The following PFKFB4 variants were observed in gnomAD, a reference collection of about 807,000 sequenced individuals.
The protein encoded by PFKFB4 is 6-phosphofructo-2-kinase/fructose-2,6-bisphosphatase 4.
A neutral mutation model predicts 62.8 loss-of-function variants in PFKFB4; 42 were observed. The observed-to-expected ratio is 0.67, with a 90% CI of 0.52 to 0.86. PFKFB4 has a LOEUF of 0.86. PFKFB4 is among the 40% of genes least tolerant of loss of function. The pLI, the probability that PFKFB4 is intolerant of heterozygous loss-of-function variation, is 0.00. For missense variants in PFKFB4, 475 were observed against 627.2 expected (o/e 0.76, Z 2.59); for synonymous variants, 204 against 240.7 (o/e 0.85, Z 1.41).
intron 13 of PFKFB4, among the ~76,000 whole-genome samples, chr3:48,520,438 T>A (rs1020035717): frequency 2.6e-5 from 4 of 152,162 alleles, no homozygotes; most frequent in African/African-American, 7.2e-5. Context: ...GGCTGTCTTA[T>A]GTGCCCCAGA....
At chr3:48,530,864 G>T (rs1366985003) in intron 9 of PFKFB4, among the ~76,000 whole-genome samples, 1 of 151,928 alleles carries the variant, frequency 6.6e-6, no homozygotes, top group African/African-American at 2.4e-5. Flanking sequence ...GCGCCACCAC[G>T]CTCAGCTACT....
intron 3 of PFKFB4, chr3:48,548,605 T>C: frequency 6.6e-6 from 1 of 152,246 alleles, no homozygotes; most frequent in Non-Finnish European, 1.5e-5. Context: ...GGCGCTGATG[T>C]AAACTTGCTA....
At chr3:48,557,725 C>T (rs1177041386), upstream of PFKFB4, among the ~76,000 whole-genome samples, 1 of 151,918 alleles carries the variant, frequency 6.6e-6, no homozygotes. Context: ...TTAGTAGAGG[C>T]GGGATTTCAC....
chr3:48,535,745 C>T, intron 8 of PFKFB4, 87 bp from the exon 9 acceptor site: 1 of 1,505,402 alleles, frequency 6.6e-7, no homozygotes, highest in South Asian at 1.2e-5. Flanking sequence ...TGAGATCACC[C>T]TCGCCTTGAA....
Position 48,545,641 on chromosome 3 carries a change from T to G in PFKFB4, c.312-1995A>C, listed in dbSNP as rs2042939376. 3.3e-5 allele frequency among the ~76,000 whole-genome samples: 5 copies of G among 152,104 alleles called. No individual in the cohort carries two copies. The South Asian group carries it at 8.3e-4, about 25-fold the overall frequency. ...ACATTTCTTTTCTTTCTTTTGTTTTTTTTTTTTAAGAGACAGGGTCTCACT... is the reference window on the plus strand; with the variant it reads ...ACATTTCTTTTCTTTCTTTTGTTTTGTTTTTTTAAGAGACAGGGTCTCACT... On this transcript the variant is annotated intron_variant, in intron 3 of 13. Transcript: ENST00000232375.
upstream of PFKFB4, chr3:48,562,976 GCTGAGGGGCTCT>G: frequency 6.2e-7 from 1 of 1,607,910 alleles, no homozygotes; most frequent in Non-Finnish European, 8.5e-7. The surrounding 1 kb of genome is among the most constrained non-coding windows in gnomAD (Gnocchi z 4.3). Context: ...TGTGGGAGCA[GCTGAGGGGCTCT>G]CTGAGGCCGC....
rs750123291 is a variant in PFKFB4 at position 48,523,696 on chromosome 3, C to G, written c.1222+5G>C. 1.2e-6 allele frequency: 2 copies of G among 1,614,016 alleles called. No homozygotes were observed. Among genetic ancestry groups the G allele is most frequent in the East Asian group, 2.2e-5 (1 of 44,888 alleles). ...TTCCCACCTCCCCCGGGGCACAGCC[C>G]ACACCTGCTGCCTTGTCGAGGAAGT... On this transcript the variant is annotated splice_donor_5th_base_variant and intron_variant, in intron 11 of 13. Transcript: ENST00000232375.
intron 1 of PFKFB4, among the ~76,000 whole-genome samples, chr3:48,551,519 CTTTTTTTTTTTTTTTTTTTT>C (rs71074260): frequency 1.0e-4 from 3 of 29,080 alleles, no homozygotes; most frequent in Admixed American, 1.2e-3. Context: ...CTCCAGCCTT[CTTTTTTTTTTTTTTTTTTTT>C]TTTTTTTTTT....
chr3:48,523,276 C>T (rs112182075), intron 12 of PFKFB4, among the ~76,000 whole-genome samples: 3,352 of 152,078 alleles, frequency 0.022, 123 homozygotes, highest in African/African-American at 0.076. Context: ...CCTAGCTACT[C>T]GGGAGGCAGA....
Position 48,556,303 on chromosome 3 carries a change from A to G in PFKFB4, c.97+378T>C. The G allele has an allele frequency of 4.0e-6, 2 of 506,158 alleles. No individual in the cohort carries two copies. The highest frequency in any genetic ancestry group is 7.7e-6 in the Non-Finnish European group (2 of 259,418). The allele number at this position is 506,158 out of a possible 1,614,324, so 31.4% of individuals were successfully genotyped here. A position where few individuals can be genotyped will look rare whatever the true frequency, so the allele number is the denominator to read the frequency against. ...CAGTTCCAGTCCAACAACCCGGCCC[A>G]CACTCCTTGGCCAGGAGAGAGGGAA... On this transcript the variant is annotated intron_variant, in intron 1 of 13. Coordinates refer to ENST00000232375, the MANE Select transcript of PFKFB4 (RefSeq NM_004567.4). This position sits in a 1 kb window ranked among gnomAD's most constrained non-coding sequence, Gnocchi z 5.7.
Position 48,519,683 on chromosome 3 carries a change from G to A in PFKFB4, c.*64C>T. 1 of 1,184,336 alleles carries A rather than the reference G, an allele frequency of 8.4e-7. No individual in the cohort carries two copies. Among genetic ancestry groups the A allele is most frequent in the East Asian group, 2.3e-5 (1 of 42,566 alleles). 73.4% of individuals were successfully genotyped at this position (1,184,336 alleles called of 1,614,324 possible). On this transcript the variant is annotated 3_prime_UTR_variant, in exon 14 of 14. Transcript: ENST00000232375. ...ATGGTGACTATCACACACACTGGAGGGCCTGGAATGACCCCCTCTGCAGAG... is the reference window on the plus strand; with the variant it reads ...ATGGTGACTATCACACACACTGGAGAGCCTGGAATGACCCCCTCTGCAGAG...
Position 48,534,324 on chromosome 3 carries a change from T to C in PFKFB4, c.987+1188A>G, listed in dbSNP as rs142513618. ...GTGGCAGAAAATACCTTTGAAGAAATGATGGCCAACAATTCTTCACATTTT... is the reference window on the plus strand; with the variant it reads ...GTGGCAGAAAATACCTTTGAAGAAACGATGGCCAACAATTCTTCACATTTT... On this transcript the variant is annotated intron_variant, in intron 9 of 13. Transcript: ENST00000232375. 4.1e-3 allele frequency among the ~76,000 whole-genome samples: 631 copies of C among 152,118 alleles called. 2 individuals are homozygous for C. Among genetic ancestry groups the C allele is most frequent in the Non-Finnish European group, 7.2e-3 (490 of 67,976 alleles).
intron 4 of PFKFB4, among the ~76,000 whole-genome samples, chr3:48,541,472 C>T (rs1377223716): frequency 6.6e-6 from 1 of 151,888 alleles, no homozygotes; most frequent in African/African-American, 2.4e-5. Context: ...CACAGAGTCT[C>T]GCTATGTAAG....
Position 48,535,526 on chromosome 3 carries a change from T to A in PFKFB4, c.973A>T (p.Asn325Tyr). 6.2e-7 allele frequency: 1 copy of A among 1,614,020 alleles called. No homozygotes were observed. The highest frequency in any genetic ancestry group is 8.5e-7 in the Non-Finnish European group (1 of 1,179,904). ...GVPYEQWKVLNEIDAGVCEEM... is the reference protein window; with the variant it reads ...GVPYEQWKVLYEIDAGVCEEM... ...ACGGTAACTACCGCATCGATCTCGT[T>A]GAGGACCTTCCACTGTTCATAGGGC... Residue 325 changes from asparagine to tyrosine, a missense_variant, in exon 9 of 14, where the codon AAC becomes TAC. Physicochemically the swap from Asn to Tyr is moderately radical, Grantham distance 143. Coordinates refer to ENST00000232375, the MANE Select transcript of PFKFB4 (RefSeq NM_004567.4).
At chr3:48,538,295 G>T (rs865842030) in intron 7 of PFKFB4, among the ~76,000 whole-genome samples, 1 of 152,074 alleles carries the variant, frequency 6.6e-6, no homozygotes, top group Non-Finnish European at 1.5e-5. Flanking sequence ...ATCCTGACTC[G>T]CAGAGTTTTG....
In PFKFB4 at chr3:48,553,454, A is replaced by T. The variant is rs2043216880; in HGVS notation, c.98-3220T>A. 2.0e-5 allele frequency among the ~76,000 whole-genome samples: 3 copies of T among 152,116 alleles called. No individual in the cohort carries two copies. In the South Asian group the frequency reaches 6.2e-4, roughly 32 times the overall value. On this transcript the variant is annotated intron_variant, in intron 1 of 13. Coordinates refer to ENST00000232375, the MANE Select transcript of PFKFB4 (RefSeq NM_004567.4). ...GTGCCACTGCACTCCAGCCTGGGGG[A>T]CAAAGCAAGACTGTCTCCAAAAAAA...
chr3:48,521,941 C>T lies in PFKFB4; in HGVS notation c.1350+45G>A. On this transcript the variant is annotated intron_variant, in intron 13 of 13. Transcript: ENST00000232375. This position sits in a 1 kb window ranked among gnomAD's most constrained non-coding sequence, Gnocchi z 5.3. Reference sequence around the variant, plus strand: ...GGAGGATGTGCAGTCTGGACACCCCCACATCAGGAACACCCCGCTACCCCA... The same window carrying T: ...GGAGGATGTGCAGTCTGGACACCCCTACATCAGGAACACCCCGCTACCCCA... 1.3e-6 allele frequency: 2 copies of T among 1,529,066 alleles called. No individual in the cohort carries two copies. Among genetic ancestry groups the T allele is most frequent in the South Asian group, 2.2e-5 (2 of 89,412 alleles). 94.7% of individuals were successfully genotyped at this position (1,529,066 alleles called of 1,614,324 possible).
rs758911293 is a variant in PFKFB4, at chr3:48,549,978, C to T, written c.215-18G>A. 3 of 1,591,184 alleles carry T rather than the reference C, an allele frequency of 1.9e-6. No individual in the cohort carries two copies. In the Admixed American group the frequency reaches 5.0e-5, roughly 27 times the overall value. On this transcript the variant is annotated intron_variant, in intron 2 of 13. Coordinates refer to ENST00000232375, the MANE Select transcript of PFKFB4 (RefSeq NM_004567.4). ...ATTGAACTCTGGAGGGAAGGAGAGG[C>T]TCAGCTTTCACAGCAACAGCAACCC... is the stretch of plus-strand genomic sequence containing the variant.
At chr3:48,551,698 C>T (rs2107593573) in intron 1 of PFKFB4, among the ~76,000 whole-genome samples, 1 of 151,788 alleles carries the variant, frequency 6.6e-6, no homozygotes. Context: ...GCACATGCCA[C>T]CACACCTGGC....
Sources: gnomAD v4.1 joint callset for allele counts (sites outside exome capture counted in the v4.1 genomes callset) on GRCh38, gnomAD v4.1.1 for gene constraint, Gnocchi (gnomAD v3.1) non-coding constraint, MANE v1.5 for transcripts, NCBI Gene and HGNC (gene_info 2026-07-23, HGNC 2026-07-21) for gene names.